EIF3B: variants seen among roughly 807,000 people sequenced by gnomAD.
EIF3B encodes the protein eukaryotic translation initiation factor 3 subunit 9.
Under a neutral mutation model 104.6 loss-of-function variants are expected in EIF3B, and 10 were observed. The observed-to-expected ratio is 0.10, with a 90% confidence interval of 0.06 to 0.16. EIF3B has a LOEUF of 0.16. Ranked by LOEUF, EIF3B falls within the 10% of genes least tolerant of loss-of-function variation. The pLI is 1.00. For missense variants in EIF3B, 1,014 were observed against 1,087.9 expected (o/e 0.93, Z 0.96); for synonymous variants, 542 against 417.2 (o/e 1.30, Z -3.65).
At chr7:2,362,118 C>T (rs1246902554) in intron 2 of EIF3B, among the ~76,000 whole-genome samples, 2 of 152,100 alleles carry the variant, frequency 1.3e-5, no homozygotes, top group African/African-American at 4.8e-5. Context: ...TGCCACCATG[C>T]CCGGCTAATT....
intron 2 of EIF3B, among the ~76,000 whole-genome samples, chr7:2,361,755 A>AGCTTT (rs1779741777): frequency 6.6e-6 from 1 of 151,460 alleles, no homozygotes; most frequent in African/African-American, 2.4e-5. Flanking sequence ...TGTAATACAC[A>AGCTTT]ATATTAGACT....
rs1780546842 is a variant in EIF3B, at chr7:2,374,800, A to AC, written c.1889+195dup. 6.1e-6 allele frequency: 3 copies of AC among 495,610 alleles called. No homozygotes were observed. The East Asian group carries it at 9.0e-5, about 15-fold the overall frequency. 30.7% of individuals were successfully genotyped at this position (495,610 alleles called of 1,614,324 possible). A position where few individuals can be genotyped will look rare whatever the true frequency, so the allele number is the denominator to read the frequency against. ...ACTCCAGGACTCAGGCCAAGCCCGCACAGAGTGAAATAAGCGCTCCCAGAT... is the reference window on the plus strand; with the variant it reads ...ACTCCAGGACTCAGGCCAAGCCCGCACCAGAGTGAAATAAGCGCTCCCAGAT... On this transcript the variant is annotated intron_variant, in intron 13 of 18. Coordinates refer to ENST00000360876, the MANE Select transcript of EIF3B (RefSeq NM_001037283.2).
In EIF3B at chr7:2,354,994, G is replaced by A. The variant is rs898602556; in HGVS notation, c.73G>A (p.Ala25Thr). Residue 25 changes from alanine to threonine, a missense_variant, in exon 1 of 19, where the codon GCC becomes ACC. Around this residue, in one of 4 missense-constraint regions of EIF3B, gnomAD observed 488 missense variants for 404.3 expected, o/e 1.21. Transcript: ENST00000360876. ...CGCCGAGCCCGGCCAGCAGCAGCCG[G>A]CCGCCGAGCCGCCGCCAGCCGAGGG... The part of the protein sequence containing the change: ...ERAEPGQQQP[A>T]AEPPPAEGLL... 1.1e-5 allele frequency: 13 copies of A among 1,169,596 alleles called. No individual in the cohort carries two copies. Among genetic ancestry groups the A allele is most frequent in the Non-Finnish European group, 1.4e-5 (13 of 952,074 alleles). The allele number at this position is 1,169,596 out of a possible 1,614,324, so 72.5% of individuals were successfully genotyped here.
Position 2,375,435 on chromosome 7 carries a change from A to G in EIF3B, c.1936A>G (p.Met646Val), listed in dbSNP as rs1212256812. 1.2e-5 allele frequency: 19 copies of G among 1,614,128 alleles called. No individual in the cohort carries two copies. The highest frequency in any genetic ancestry group is 1.4e-5 in the Non-Finnish European group (17 of 1,180,050). The change falls in exon 14 of 19, where the codon ATG (methionine) becomes GTG (valine). Residue 646 changes from methionine to valine, a missense_variant. By Grantham distance (21) the Met-to-Val change is conservative. Around this residue, in one of 4 missense-constraint regions of EIF3B, gnomAD observed 266 missense variants for 324.0 expected, o/e 0.82. Transcript: ENST00000360876. ...AFVDTSDCTV[M>V]NIAEHYMASD... is the part of the protein sequence containing the mutation. Reference sequence around the variant, plus strand: ...TGTGGACACTTCGGACTGCACGGTCATGAACATCGCAGAGCACTACATGGC... The same window carrying G: ...TGTGGACACTTCGGACTGCACGGTCGTGAACATCGCAGAGCACTACATGGC...
chr7:2,365,709 T>C (rs1051408492), intron 6 of EIF3B, among the ~76,000 whole-genome samples: 2 of 148,976 alleles, frequency 1.3e-5, no homozygotes, highest in African/African-American at 4.9e-5. Flanking sequence ...CTGAGTTTCA[T>C]GCGTCGCCCA....
chr7:2,357,185 A>G (rs760247373), intron 1 of EIF3B, among the ~76,000 whole-genome samples: 1 of 152,244 alleles, frequency 6.6e-6, no homozygotes, highest in East Asian at 1.9e-4. Flanking sequence ...TAATACGTAG[A>G]TTACTTCTGG....
At chr7:2,359,402 C>G (rs1779618756) in intron 1 of EIF3B, among the ~76,000 whole-genome samples, 1 of 152,088 alleles carries the variant, frequency 6.6e-6, no homozygotes, top group Non-Finnish European at 1.5e-5. Flanking sequence ...TGTCATTAAT[C>G]ACGCCTCTAT....
Position 2,380,495 on chromosome 7 carries a change from C to T in EIF3B, c.*306C>T, listed in dbSNP as rs914312246. Reference sequence around the variant, plus strand: ...TGGAGTTTTCTGTTGGAACCGCCGGCGTTGGCTCCGAAGACTTAGCGACGC... The same window carrying T: ...TGGAGTTTTCTGTTGGAACCGCCGGTGTTGGCTCCGAAGACTTAGCGACGC... On this transcript the variant is annotated 3_prime_UTR_variant, in exon 19 of 19. Coordinates refer to ENST00000360876, the MANE Select transcript of EIF3B (RefSeq NM_001037283.2). 2 of 478,544 alleles carry T rather than the reference C, an allele frequency of 4.2e-6. No homozygotes were observed. Among genetic ancestry groups the T allele is most frequent in the African/African-American group, 2.0e-5 (1 of 50,970 alleles). The allele number at this position is 478,544 out of a possible 1,614,324, so 29.6% of individuals were successfully genotyped here.
At chr7:2,379,363 CA>C (rs1285797152) in intron 17 of EIF3B, 30 bp from the exon 18 acceptor site, 12 of 1,563,754 alleles carry the variant, frequency 7.7e-6, no homozygotes, top group Non-Finnish European at 1.0e-5. Context: ...CATGTGCCCC[CA>C]TGGGTGATCT....
At chr7:2,366,044 C>T (rs950709913) in intron 6 of EIF3B, among the ~76,000 whole-genome samples, 2 of 152,136 alleles carry the variant, frequency 1.3e-5, no homozygotes, top group Admixed American at 6.6e-5. Flanking sequence ...TTCCACACTG[C>T]GCCACCCTCT....
At chr7:2,365,663 G>GTT (rs1779971798) in intron 6 of EIF3B, among the ~76,000 whole-genome samples, 2 of 78,762 alleles carry the variant, frequency 2.5e-5, no homozygotes, top group East Asian at 3.4e-4. Flanking sequence ...TTGTTTGTTT[G>GTT]TTTGTTTGTT....
At chr7:2,359,416 G>T (rs1779619864) in intron 1 of EIF3B, among the ~76,000 whole-genome samples, 1 of 152,110 alleles carries the variant, frequency 6.6e-6, no homozygotes. Flanking sequence ...CCTCTATAAT[G>T]AGATCTTCAT....
At chr7:2,368,598 C>T (rs978379595) in intron 9 of EIF3B, among the ~76,000 whole-genome samples, 2 of 152,316 alleles carry the variant, frequency 1.3e-5, no homozygotes, top group East Asian at 1.9e-4. Flanking sequence ...AGCCTTGAGT[C>T]GGCTTCCTTC....
At position 2,363,778 on chromosome 7, in the gene EIF3B, C is replaced by T. The variant is rs200398797; in HGVS notation, c.999+18C>T. 6.1e-4 allele frequency: 985 copies of T among 1,610,888 alleles called. No individual in the cohort carries two copies. The highest frequency in any genetic ancestry group is 7.9e-4 in the Non-Finnish European group (932 of 1,179,412). On this transcript the variant is annotated intron_variant, in intron 5 of 18. Coordinates refer to ENST00000360876, the MANE Select transcript of EIF3B (RefSeq NM_001037283.2). ...AAAGAGCGGTGTGTATTTGCTGCTG[C>T]TGGGGGCGGGGACTCACCTCTCCTG...
At chr7:2,374,714 C>CT in intron 13 of EIF3B, 108 bp downstream of exon 13, 1 of 1,057,570 alleles carries the variant, frequency 9.5e-7, no homozygotes, top group Non-Finnish European at 1.4e-6. Context: ...GTATTGTGCG[C>CT]TGAAAGGGTT....
chr7:2,357,710 A>G (rs1053128744), intron 1 of EIF3B, among the ~76,000 whole-genome samples: 2 of 152,198 alleles, frequency 1.3e-5, no homozygotes, highest in Non-Finnish European at 1.5e-5. Context: ...TTGGGAATCC[A>G]TGAGCCACGT....
At chr7:2,374,642 A>C in intron 13 of EIF3B, 36 bp downstream of exon 13, 2 of 1,594,850 alleles carry the variant, frequency 1.3e-6, no homozygotes, top group Non-Finnish European at 1.7e-6. Flanking sequence ...CCGCCCTGTG[A>C]GTAGCGCTCT....
chr7:2,379,922 G>A (rs1780905586), intron 18 of EIF3B: 1 of 259,598 alleles, frequency 3.9e-6, no homozygotes, highest in South Asian at 4.1e-5. Flanking sequence ...CAAGTCGGGG[G>A]CTGGGGAGCA....
intron 1 of EIF3B, 87 bp downstream of exon 1, chr7:2,355,507 C>T: frequency 7.2e-7 from 1 of 1,392,294 alleles, no homozygotes; most frequent in South Asian, 1.5e-5. Context: ...GCTGTGCCAC[C>T]GGTTCGTGCA....
Sources: allele counts gnomAD v4.1 joint callset (sites outside exome capture counted in the v4.1 genomes callset), GRCh38; gene constraint gnomAD v4.1.1; regional missense constraint gnomAD v4.1.1; transcripts MANE v1.5; gene names NCBI Gene and HGNC (gene_info 2026-07-23, HGNC 2026-07-21).